BANF2: variants seen among roughly 807,000 people sequenced by gnomAD.
BANF2 encodes BANF family member 2, also known as barrier-to-autointegration factor-like protein.
Under a neutral mutation model 8.0 loss-of-function variants are expected in BANF2, and 4 were observed. The ratio of observed to expected loss-of-function variants is 0.50; its 90% CI spans 0.25 to 1.14. The LOEUF (loss-of-function observed/expected upper bound fraction) is 1.14, where lower values mean the gene tolerates loss of function less well. Among genes scored for constraint, BANF2 ranks in the 50% most tolerant of loss-of-function variants. BANF2 has a pLI of 0.16. For missense variants in BANF2, 96 were observed against 107.5 expected, an observed-to-expected ratio of 0.89 and a Z score of 0.47; for synonymous variants, 50 against 40.6, an observed-to-expected ratio of 1.23 and a Z score of -0.88.
At chr20:17,722,255 G>A (rs1021589854) in intron 1 of BANF2, among the ~76,000 whole-genome samples, 26 of 152,252 alleles carry the variant, frequency 1.7e-4, no homozygotes, top group African/African-American at 5.1e-4. Flanking sequence ...ACACACACAA[G>A]GTGTTACTAA....
chr20:17,727,478 G>A (rs970246997), intron 3 of BANF2, among the ~76,000 whole-genome samples: 2 of 152,206 alleles, frequency 1.3e-5, no homozygotes, highest in East Asian at 1.9e-4. Context: ...GTGGCCAGGC[G>A]GTTATGCCCG....
At chr20:17,712,054 T>G (rs1002412866) in intron 1 of BANF2, 1 of 152,634 alleles carries the variant, frequency 6.6e-6, no homozygotes, top group Non-Finnish European at 1.5e-5. Context: ...GAGGGGACTT[T>G]GAATACCCAC....
At chr20:17,713,050 C>G (rs1439023832) in intron 1 of BANF2, among the ~76,000 whole-genome samples, 1 of 151,982 alleles carries the variant, frequency 6.6e-6, no homozygotes, top group Non-Finnish European at 1.5e-5. Context: ...GAGTTCAAGA[C>G]CAGCCTGGGC....
intron 1 of BANF2, among the ~76,000 whole-genome samples, chr20:17,701,923 A>G (rs1018844229): frequency 2.0e-5 from 3 of 152,166 alleles, no homozygotes; most frequent in African/African-American, 4.8e-5. Context: ...GTTCTTTCCT[A>G]TCAAGATTAT....
chr20:17,725,662 C>T (rs1310090911), intron 3 of BANF2, among the ~76,000 whole-genome samples: 1 of 152,216 alleles, frequency 6.6e-6, no homozygotes, highest in Non-Finnish European at 1.5e-5. Flanking sequence ...TTGGAATATT[C>T]TTTTCTACGT....
chr20:17,705,726 C>G (rs2037472542), intron 1 of BANF2, among the ~76,000 whole-genome samples: 1 of 152,168 alleles, frequency 6.6e-6, no homozygotes, highest in South Asian at 2.1e-4. Context: ...GCAACTAAGG[C>G]CAAGAAGGGA....
intron 1 of BANF2, among the ~76,000 whole-genome samples, chr20:17,705,568 G>A (rs1039448216): frequency 1.7e-4 from 26 of 152,244 alleles, no homozygotes; most frequent in Non-Finnish European, 3.7e-4. Flanking sequence ...GGCTAGGCCA[G>A]GTCAGTAGTT....
upstream of BANF2, among the ~76,000 whole-genome samples, chr20:17,695,242 T>C (rs2037336862): frequency 6.7e-6 from 1 of 149,484 alleles, no homozygotes; most frequent in South Asian, 2.2e-4. Flanking sequence ...AGCCCAGGGG[T>C]TTGAGACCAG....
intron 1 of BANF2, chr20:17,712,517 G>T: frequency 3.0e-6 from 3 of 983,870 alleles, no homozygotes; most frequent in Non-Finnish European, 3.6e-6. Flanking sequence ...TAAAGAGTCT[G>T]CCCACTTCTG....
At position 17,725,121 on chromosome 20, in the gene BANF2, G is replaced by T; in HGVS notation, c.96G>T (p.Ala32=). ...CWVDGISHEL[A]INLVTKGINK... ...TGGATGGCATCAGCCATGAGCTCGCGATCAATTTGGTCACCAAAGGTATCA... is the reference window on the plus strand; with the variant it reads ...TGGATGGCATCAGCCATGAGCTCGCTATCAATTTGGTCACCAAAGGTATCA... The change falls in exon 3 of 4, where the codon GCG becomes GCT. Residue 32 remains alanine, a synonymous_variant. Transcript: ENST00000246090. 1.9e-6 allele frequency: 3 copies of T among 1,613,100 alleles called. No individual in the cohort carries two copies. The South Asian group carries it at 3.3e-5, about 18-fold the overall frequency.
At chr20:17,711,366 T>C (rs1454392397) in intron 1 of BANF2, among the ~76,000 whole-genome samples, 1 of 152,248 alleles carries the variant, frequency 6.6e-6, no homozygotes, top group Non-Finnish European at 1.5e-5. Flanking sequence ...TCACCACACT[T>C]ACCCGTATAA....
chr20:17,706,607 C>T (rs769965182), intron 1 of BANF2, among the ~76,000 whole-genome samples: 10 of 152,208 alleles, frequency 6.6e-5, no homozygotes, highest in Non-Finnish European at 1.3e-4. Flanking sequence ...ACACCTAGCC[C>T]ATCCGTAGTA....
At chr20:17,706,270 T>C (rs759380284) in intron 1 of BANF2, among the ~76,000 whole-genome samples, 1 of 152,192 alleles carries the variant, frequency 6.6e-6, no homozygotes, top group African/African-American at 2.4e-5. Context: ...GTGATTGTTA[T>C]AGCAACATTA....
In BANF2 at chr20:17,735,815, C is replaced by G. The variant is rs752660587; in HGVS notation, c.*4C>G. ...GTGGTGTGCCTGCTTCCTGTAGACA[C>G]AAACCTCATTGCTGCCCCCCACCAC... On this transcript the variant is annotated 3_prime_UTR_variant, in exon 4 of 4. Transcript: ENST00000246090. 1 of 1,611,200 alleles carries G rather than the reference C, an allele frequency of 6.2e-7. No homozygotes were observed. Among genetic ancestry groups the G allele is most frequent in the Non-Finnish European group, 8.5e-7 (1 of 1,178,296 alleles).
chr20:17,726,068 C>A (rs1018607923), intron 3 of BANF2, among the ~76,000 whole-genome samples: 2 of 152,208 alleles, frequency 1.3e-5, no homozygotes, highest in African/African-American at 2.4e-5. Flanking sequence ...TAGATGGTAT[C>A]ATCAGAAATG....
intron 2 of BANF2, 98 bp from the exon 3 acceptor site, chr20:17,724,925 C>A (rs76638517): frequency 0.035 from 44,308 of 1,277,606 alleles, 890 homozygotes; most frequent in Non-Finnish European, 0.041. Context: ...ATCTGTTGCC[C>A]CAGTCCCTTG....
upstream of BANF2, among the ~76,000 whole-genome samples, chr20:17,698,151 T>C (rs527686932): frequency 7.2e-5 from 11 of 151,838 alleles, no homozygotes; most frequent in South Asian, 2.3e-3. Context: ...GAGGTTGCAG[T>C]GAGCCGAGAT....
At chr20:17,704,868 C>G (rs1417008816) in intron 1 of BANF2, among the ~76,000 whole-genome samples, 1 of 152,174 alleles carries the variant, frequency 6.6e-6, no homozygotes, top group East Asian at 1.9e-4. Flanking sequence ...ATCGCTCTGA[C>G]AGGATCCCCC....
chr20:17,727,237 C>G (rs543609898), intron 3 of BANF2, among the ~76,000 whole-genome samples: 1 of 152,324 alleles, frequency 6.6e-6, no homozygotes, highest in East Asian at 1.9e-4. Context: ...TCCATGACCT[C>G]CTGGCCAGTG....
Sources: allele counts gnomAD v4.1 joint callset (sites outside exome capture counted in the v4.1 genomes callset), GRCh38; gene constraint gnomAD v4.1.1; transcripts MANE v1.5; gene names NCBI Gene and HGNC (gene_info 2026-07-23, HGNC 2026-07-21).